SH3GL3: variants seen among roughly 807,000 people sequenced by gnomAD.
SH3GL3 encodes endophilin-A3.
Under a neutral mutation model 47.7 loss-of-function variants are expected in SH3GL3, and 33 were observed. The ratio of observed to expected loss-of-function variants is 0.69; its 90% CI spans 0.52 to 0.92. The LOEUF is 0.92. Ranked by LOEUF, SH3GL3 falls within the 40% of genes least tolerant of loss-of-function variation. The pLI, the probability that SH3GL3 is intolerant of heterozygous loss-of-function variation, is 0.00. For missense variants in SH3GL3, 363 were observed against 417.8 expected (o/e 0.87, Z 1.14); for synonymous variants, 155 against 148.8 (o/e 1.04, Z -0.30).
chr15:83,511,486 T>A (rs2042747252), intron 1 of SH3GL3, among the ~76,000 whole-genome samples: 1 of 152,232 alleles, frequency 6.6e-6, no homozygotes, highest in South Asian at 2.1e-4. Flanking sequence ...ATAATTTTAG[T>A]ATTAAAAGTT....
At chr15:83,624,564 CAG>C in the SH3GL3 span, among the ~76,000 whole-genome samples, 2 of 152,184 alleles carry the variant, frequency 1.3e-5, no homozygotes, top group Admixed American at 6.5e-5. Flanking sequence ...AGCATAGAGT[CAG>C]GGGACTGATT....
intron 1 of SH3GL3, among the ~76,000 whole-genome samples, chr15:83,495,354 G>A (rs778013090): frequency 6.6e-6 from 1 of 152,192 alleles, no homozygotes; most frequent in Non-Finnish European, 1.5e-5. Context: ...GTCTTTGCAA[G>A]TGGTTTTCTT....
chr15:83,500,761 A>G (rs185774405), intron 1 of SH3GL3, among the ~76,000 whole-genome samples: 2 of 152,172 alleles, frequency 1.3e-5, no homozygotes, highest in South Asian at 4.1e-4. Context: ...GTGCTGATGG[A>G]CATGGTTGCC....
intron 1 of SH3GL3, among the ~76,000 whole-genome samples, chr15:83,533,645 C>T (rs942968741): frequency 1.3e-5 from 2 of 152,178 alleles, no homozygotes; most frequent in Non-Finnish European, 1.5e-5. Flanking sequence ...GGGTTGGCCT[C>T]GGGTAGGGCA....
In SH3GL3 at chr15:83,575,516, C is replaced by T. The variant is rs532658119; in HGVS notation, c.466-1067C>T. ...GTTAAGAGTCCAAGGTTTAGGAAGC[C>T]TTTCATAGTCTCAGCTATGCTCTGT... is the stretch of plus-strand genomic sequence containing the variant. On this transcript the variant is annotated intron_variant, in intron 5 of 8. Transcript: ENST00000427482. Among the ~76,000 whole-genome samples the T allele has an allele frequency of 2.6e-5, 4 of 152,274 alleles. No homozygotes were observed. The South Asian group carries it at 8.3e-4, about 32-fold the overall frequency.
intron 6 of SH3GL3, among the ~76,000 whole-genome samples, chr15:83,582,126 T>A (rs183221638): frequency 6.6e-6 from 1 of 152,382 alleles, no homozygotes; most frequent in Admixed American, 6.5e-5. Flanking sequence ...ACCCATAGGC[T>A]TGTTAACACA....
At chr15:83,491,251 C>T (rs745995802) in intron 1 of SH3GL3, among the ~76,000 whole-genome samples, 1 of 152,108 alleles carries the variant, frequency 6.6e-6, no homozygotes, top group Non-Finnish European at 1.5e-5. Context: ...TGATTGGAGG[C>T]AAGTGGAAAG....
intron 1 of SH3GL3, among the ~76,000 whole-genome samples, chr15:83,480,607 C>G (rs557145062): frequency 1.3e-5 from 2 of 152,244 alleles, no homozygotes; most frequent in East Asian, 3.9e-4. Context: ...TCCATGGGTT[C>G]CACATTTGTG....
At chr15:83,599,890 G>T (rs1283223083) in intron 8 of SH3GL3, among the ~76,000 whole-genome samples, 2 of 152,130 alleles carry the variant, frequency 1.3e-5, no homozygotes, top group Non-Finnish European at 1.5e-5. Context: ...CATTCTTGCA[G>T]GGGTAAGTTG....
Position 83,587,100 on chromosome 15 carries a change from C to T in SH3GL3, c.728+14C>T, listed in dbSNP as rs369160232. 7.3e-5 allele frequency: 107 copies of T among 1,471,712 alleles called. No individual in the cohort carries two copies. Among genetic ancestry groups the T allele is most frequent in the Non-Finnish European group, 9.4e-5 (99 of 1,058,690 alleles). 91.2% of individuals were successfully genotyped at this position (1,471,712 alleles called of 1,614,324 possible). ...GCTACAGATGCGGTAAGCACCTCCA[C>T]GTTTCTTACAAGCCAAGGGCTGCGG... On this transcript the variant is annotated intron_variant, in intron 7 of 8. Coordinates refer to ENST00000427482, the MANE Select transcript of SH3GL3 (RefSeq NM_003027.5).
intron 3 of SH3GL3, among the ~76,000 whole-genome samples, chr15:83,566,544 G>C (rs948189271): frequency 6.6e-6 from 1 of 152,220 alleles, no homozygotes; most frequent in Admixed American, 6.5e-5. Context: ...GGAGGCCAAG[G>C]CATGATGATT....
intron 2 of SH3GL3, among the ~76,000 whole-genome samples, chr15:83,560,888 A>G (rs1213604708): frequency 1.3e-5 from 2 of 152,202 alleles, no homozygotes; most frequent in Middle Eastern, 3.2e-3. Context: ...CACTAAATTA[A>G]AAAAGCTTTT....
rs145205497 is a variant in SH3GL3 at position 83,618,227 on chromosome 15, C to T, written c.984C>T (p.His328=). 263 of 1,611,412 alleles carry T rather than the reference C, an allele frequency of 1.6e-4. No individual in the cohort carries two copies. The highest frequency in any genetic ancestry group is 2.1e-4 in the Non-Finnish European group (248 of 1,177,588). ...AAAACTGGTATGAAGGAATGATACA[C>T]GGAGAATCGGGATTCTTCCCCATTA... ...IDENWYEGMI[H]GESGFFPINY... is the part of the protein sequence containing the mutation. The change falls in exon 9 of 9, where the codon CAC becomes CAT. Residue 328 remains histidine, a synonymous_variant. Transcript: ENST00000427482.
chr15:83,601,007 A>G (rs2060365197), intron 8 of SH3GL3, among the ~76,000 whole-genome samples: 1 of 151,138 alleles, frequency 6.6e-6, no homozygotes. Flanking sequence ...GTTGGTATAT[A>G]GCAGAGCTAC....
intron 8 of SH3GL3, among the ~76,000 whole-genome samples, chr15:83,597,682 T>C (rs2060269644): frequency 6.6e-6 from 1 of 152,072 alleles, no homozygotes; most frequent in Non-Finnish European, 1.5e-5. Context: ...CGATCTCGGC[T>C]CACTGCAACC....
intron 6 of SH3GL3, among the ~76,000 whole-genome samples, chr15:83,584,998 C>G (rs1261975687): frequency 1.3e-5 from 2 of 152,214 alleles, no homozygotes; most frequent in Non-Finnish European, 2.9e-5. Context: ...CTGAATGTAC[C>G]TGTGTTGGTC....
the SH3GL3 span, among the ~76,000 whole-genome samples, chr15:83,633,604 G>C: frequency 6.6e-6 from 1 of 152,102 alleles, no homozygotes; most frequent in Admixed American, 6.6e-5. Context: ...ACCTAGTTCT[G>C]ACTGCAAAGG....
intron 2 of SH3GL3, among the ~76,000 whole-genome samples, chr15:83,562,796 C>T (rs980732505): frequency 6.6e-6 from 1 of 152,188 alleles, no homozygotes; most frequent in Non-Finnish European, 1.5e-5. Flanking sequence ...TAAGCCCTTA[C>T]ATTTCTTGTG....
At chr15:83,619,303 C>T (rs1014111710), downstream of SH3GL3, among the ~76,000 whole-genome samples, 8 of 152,052 alleles carry the variant, frequency 5.3e-5, no homozygotes, top group Admixed American at 3.3e-4. Context: ...TGCAATAAAG[C>T]AAATATTGCA....
Sources: gnomAD v4.1 joint callset for allele counts (sites outside exome capture counted in the v4.1 genomes callset) on GRCh38, gnomAD v4.1.1 for gene constraint, MANE v1.5 for transcripts, NCBI Gene and HGNC (gene_info 2026-07-23, HGNC 2026-07-21) for gene names.